The following SIN3A variants were observed in gnomAD, a reference collection of about 807,000 sequenced individuals.
SIN3A encodes the protein paired amphipathic helix protein Sin3a.
SIN3A carries 14 observed loss-of-function variants against 146.1 expected under a neutral mutation model. The observed-to-expected ratio is 0.10, with a 90% confidence interval of 0.06 to 0.15. The LOEUF (loss-of-function observed/expected upper bound fraction) is 0.15, where lower values mean the gene tolerates loss of function less well. Among genes scored for constraint, SIN3A ranks in the 10% least tolerant of loss-of-function variants. The probability of loss-of-function intolerance (pLI) is 1.00; values close to 1 mark genes in which losing one functional copy is unlikely to be tolerated. For synonymous variants in SIN3A, 572 were observed against 572.0 expected, an observed-to-expected ratio of 1.00 and a Z score of 0.00; for missense variants, 1,028 against 1,576.0, an observed-to-expected ratio of 0.65 and a Z score of 5.89.
chr15:75,421,572 AAAGT>A (rs1209500969), intron 3 of SIN3A: 2 of 152,248 alleles, frequency 1.3e-5, no homozygotes, highest in Admixed American at 6.5e-5. Flanking sequence ...AAGAAGAACT[AAAGT>A]AAGTATCAGG....
At chr15:75,379,826 A>G (rs2141380534) in intron 19 of SIN3A, among the ~76,000 whole-genome samples, 1 of 152,322 alleles carries the variant, frequency 6.6e-6, no homozygotes, top group East Asian at 1.9e-4. Context: ...CAATCTGCCT[A>G]TACACAGAGG....
chr15:75,373,955 A>G (rs1234717746), intron 20 of SIN3A, among the ~76,000 whole-genome samples: 1 of 152,222 alleles, frequency 6.6e-6, no homozygotes, highest in Non-Finnish European at 1.5e-5. Flanking sequence ...TTAATTATAC[A>G]TTAAACTGTC....
chr15:75,393,736 T>C (rs2073252003), intron 14 of SIN3A, among the ~76,000 whole-genome samples: 1 of 152,032 alleles, frequency 6.6e-6, no homozygotes, highest in Non-Finnish European at 1.5e-5. Context: ...AGATCTGTGA[T>C]TTACTTTACT....
chr15:75,410,317 T>C lies in SIN3A; in HGVS notation c.1009-31A>G, dbSNP rs190770830. ...GAATTGCAAATGAAAAGAGATCATT[T>C]GGGCTACTGTTTTGAGTCACTCATC... On this transcript the variant is annotated intron_variant, in intron 6 of 20. Coordinates refer to ENST00000394947, the MANE Select transcript of SIN3A (RefSeq NM_001145358.2). 16 of 1,607,178 alleles carry C rather than the reference T, an allele frequency of 1.0e-5. No homozygotes were observed. The East Asian group carries it at 2.5e-4, about 25-fold the overall frequency.
chr15:75,441,591 C>G (rs1465987739), intron 1 of SIN3A, among the ~76,000 whole-genome samples: 1 of 152,250 alleles, frequency 6.6e-6, no homozygotes, highest in African/African-American at 2.4e-5. Context: ...GGCTTCCACT[C>G]TGTAAACAGG....
intron 1 of SIN3A, among the ~76,000 whole-genome samples, chr15:75,435,288 ATATC>A (rs1040245731): frequency 6.6e-6 from 1 of 152,182 alleles, no homozygotes; most frequent in Non-Finnish European, 1.5e-5. Context: ...GAAAATCTAA[ATATC>A]TATCAGCTAA....
chr15:75,397,509 A>G (rs2073327257), intron 12 of SIN3A, among the ~76,000 whole-genome samples: 2 of 152,166 alleles, frequency 1.3e-5, no homozygotes, highest in African/African-American at 4.8e-5. Flanking sequence ...AATGGCAGCA[A>G]TCCCTTGGCC....
intron 8 of SIN3A, among the ~76,000 whole-genome samples, chr15:75,407,520 G>T (rs1056414955): frequency 6.6e-6 from 1 of 152,084 alleles, no homozygotes; most frequent in Non-Finnish European, 1.5e-5. Flanking sequence ...GGGAGAAAAG[G>T]CTGTTTGTAA....
chr15:75,425,570 TC>T (rs1354322018), intron 2 of SIN3A, among the ~76,000 whole-genome samples: 2 of 152,372 alleles, frequency 1.3e-5, no homozygotes, highest in Admixed American at 6.5e-5. Context: ...CAAACAAATG[TC>T]TTTTCTATTC....
chr15:75,381,200 T>A lies in SIN3A; in HGVS notation c.3288+413A>T, dbSNP rs1199666227. The A allele has an allele frequency of 2.2e-5, 4 of 183,168 alleles. No homozygotes were observed. The Admixed American group carries it at 2.2e-4, about 10-fold the overall frequency. 11.3% of individuals were successfully genotyped at this position (183,168 alleles called of 1,614,324 possible). A position where few individuals can be genotyped will look rare whatever the true frequency, so the allele number is the denominator to read the frequency against. Reference sequence around the variant, plus strand: ...ATATGGCCTGCATCTCCTGTGTACATTATCTGCCATAACCAACTATGATAA... The same window carrying A: ...ATATGGCCTGCATCTCCTGTGTACAATATCTGCCATAACCAACTATGATAA... On this transcript the variant is annotated intron_variant, in intron 18 of 20. Transcript: ENST00000394947.
upstream of SIN3A, among the ~76,000 whole-genome samples, chr15:75,454,119 T>G (rs1249886020): frequency 6.6e-6 from 1 of 151,714 alleles, no homozygotes; most frequent in Non-Finnish European, 1.5e-5. Context: ...GGCGGGACCT[T>G]GCGCCTCACG....
At chr15:75,388,262 G>A (rs1306760166) in intron 16 of SIN3A, 1 of 152,330 alleles carries the variant, frequency 6.6e-6, no homozygotes, top group African/African-American at 2.4e-5. Context: ...ACGGTACCCA[G>A]GTGGAACAGC....
In SIN3A at chr15:75,396,272, T is replaced by G. The variant is rs375061891; in HGVS notation, c.2079A>C (p.Pro693=). 1.2e-6 allele frequency: 2 copies of G among 1,613,230 alleles called. No homozygotes were observed. Among genetic ancestry groups the G allele is most frequent in the African/African-American group, 2.7e-5 (2 of 74,914 alleles). The change falls in exon 13 of 21, where the codon CCA becomes CCC. Residue 693 remains proline, a synonymous_variant. Transcript: ENST00000394947. ...GLRKNPSIAV[P]IVLKRLKMKE... is the part of the protein sequence containing the mutation. ...TGCTCATGTACCTTTTAAGGACAAT[T>G]GGAACAGCAATGGAGGGATTCTTTC...
At chr15:75,428,807 G>A (rs75443303) in intron 2 of SIN3A, among the ~76,000 whole-genome samples, 27,840 of 152,016 alleles carry the variant, frequency 0.18, 3,197 homozygotes, top group Non-Finnish European at 0.26. Flanking sequence ...AACAACACAA[G>A]TCCACTTATA....
intron 19 of SIN3A, 100 bp downstream of exon 19, chr15:75,380,529 G>T (rs2072944591): frequency 2.2e-6 from 2 of 890,422 alleles, no homozygotes; most frequent in Non-Finnish European, 3.7e-6. Flanking sequence ...TAGAACAAAT[G>T]AATAAAATAT....
chr15:75,389,303 GAAA>G (rs11300642), intron 16 of SIN3A, among the ~76,000 whole-genome samples: 1 of 144,746 alleles, frequency 6.9e-6, no homozygotes, highest in Non-Finnish European at 1.5e-5. Context: ...TCTATTTAAG[GAAA>G]AAAAAAAAAA....
chr15:75,392,613 T>C lies in SIN3A; in HGVS notation c.2480A>G (p.Gln827Arg), dbSNP rs761389133. 6.2e-7 allele frequency: 1 copy of C among 1,614,178 alleles called. No individual in the cohort carries two copies. The highest frequency in any genetic ancestry group is 8.5e-7 in the Non-Finnish European group (1 of 1,180,034). ...CTCCACATCTGAGAGATCACCTCTTTGGGCAAAGAGCAAATCTGGAATAAA... is the reference window on the plus strand; with the variant it reads ...CTCCACATCTGAGAGATCACCTCTTCGGGCAAAGAGCAAATCTGGAATAAA... The part of the protein sequence containing the change: ...HHFIPDLLFA[Q>R]RGDLSDVEEE... Residue 827 changes from glutamine (Q) to arginine (R), a missense_variant, in exon 15 of 21, where the codon CAA becomes CGA. Gln to Arg is a conservative substitution (Grantham distance 43). Transcript: ENST00000394947.
chr15:75,414,010 A>T (rs1349980489), intron 4 of SIN3A, among the ~76,000 whole-genome samples, 195 bp downstream of exon 4: 1 of 152,154 alleles, frequency 6.6e-6, no homozygotes, highest in African/African-American at 2.4e-5. Flanking sequence ...GTTAAGGAAA[A>T]TTTACCAATA....
At chr15:75,430,800 G>A (rs1018245330) in intron 1 of SIN3A, among the ~76,000 whole-genome samples, 2 of 149,076 alleles carry the variant, frequency 1.3e-5, no homozygotes, top group Admixed American at 6.7e-5. Flanking sequence ...TTTTTGAGAC[G>A]GAGTCTCACT....
Sources: allele counts gnomAD v4.1 joint callset (sites outside exome capture counted in the v4.1 genomes callset), GRCh38; gene constraint gnomAD v4.1.1; transcripts MANE v1.5; gene names NCBI Gene and HGNC (gene_info 2026-07-23, HGNC 2026-07-21).